The following ZNF385D variants were observed in gnomAD, a reference collection of about 807,000 sequenced individuals.
The protein encoded by ZNF385D is zinc finger protein 385D, also known as zinc finger protein 659.
A neutral mutation model predicts 35.8 loss-of-function variants in ZNF385D; 15 were observed. That is an observed-to-expected ratio of 0.42 (90% CI 0.28 to 0.64). The LOEUF is 0.64. Among genes scored for constraint, ZNF385D ranks in the 30% least tolerant of loss-of-function variants. The pLI is 0.23. For synonymous variants in ZNF385D, 212 were observed against 186.8 expected, an observed-to-expected ratio of 1.13 and a Z score of -1.10; for missense variants, 474 against 494.6, an observed-to-expected ratio of 0.96 and a Z score of 0.39.
intron 3 of ZNF385D, among the ~76,000 whole-genome samples, chr3:21,849,132 T>C (rs1696207703): frequency 6.6e-6 from 1 of 152,102 alleles, no homozygotes; most frequent in African/African-American, 2.4e-5. Flanking sequence ...CACATGCATG[T>C]AACTGTCACA....
intron 2 of ZNF385D, among the ~76,000 whole-genome samples, chr3:22,337,209 T>A (rs1005178881): frequency 6.6e-6 from 1 of 152,098 alleles, no homozygotes; most frequent in Non-Finnish European, 1.5e-5. Flanking sequence ...TAAGAATGGA[T>A]AGCTCCACAT....
intron 3 of ZNF385D, among the ~76,000 whole-genome samples, chr3:21,821,391 T>C (rs1694222058): frequency 1.3e-5 from 2 of 152,206 alleles, no homozygotes; most frequent in Admixed American, 1.3e-4. Flanking sequence ...AAGGCTTTTA[T>C]GATAAATACT....
intron 2 of ZNF385D, among the ~76,000 whole-genome samples, chr3:22,178,296 A>C (rs1397581777): frequency 6.6e-6 from 1 of 152,172 alleles, no homozygotes; most frequent in South Asian, 2.1e-4. Context: ...GTGAGATGGC[A>C]TCTCATTGTG....
chr3:21,826,031 C>T (rs1449531953), intron 3 of ZNF385D, among the ~76,000 whole-genome samples: 2 of 152,276 alleles, frequency 1.3e-5, no homozygotes, highest in African/African-American at 2.4e-5. Context: ...TCCCCTTCTT[C>T]CCCTCAACCC....
chr3:21,887,433 A>G (rs1219639398), intron 3 of ZNF385D, among the ~76,000 whole-genome samples: 1 of 152,194 alleles, frequency 6.6e-6, no homozygotes, highest in Non-Finnish European at 1.5e-5. Flanking sequence ...AACAGCAACA[A>G]CTAAAATCTG....
At chr3:21,948,472 T>C (rs1295678555) in intron 3 of ZNF385D, among the ~76,000 whole-genome samples, 1 of 152,078 alleles carries the variant, frequency 6.6e-6, no homozygotes, top group Non-Finnish European at 1.5e-5. Flanking sequence ...TTACATTTTA[T>C]AGTAAAATAT....
intron 2 of ZNF385D, among the ~76,000 whole-genome samples, chr3:22,287,848 A>G (rs1702105185): frequency 6.6e-6 from 1 of 151,908 alleles, no homozygotes; most frequent in South Asian, 2.1e-4. Flanking sequence ...TTATTTTGTG[A>G]GTTTTATACA....
intron 3 of ZNF385D, among the ~76,000 whole-genome samples, chr3:22,135,559 T>C (rs1480570379): frequency 2.0e-5 from 3 of 152,178 alleles, no homozygotes; most frequent in African/African-American, 4.8e-5. Context: ...TCTTCTTAAA[T>C]TGATCAATGG....
chr3:22,305,632 GC>G (rs1489243335), intron 2 of ZNF385D, among the ~76,000 whole-genome samples: 6 of 152,210 alleles, frequency 3.9e-5, no homozygotes, highest in African/African-American at 1.4e-4. Context: ...AAGAACTTGT[GC>G]CCAGAGATGA....
intron 3 of ZNF385D, among the ~76,000 whole-genome samples, chr3:21,790,290 A>T (rs1231589834): frequency 6.6e-6 from 1 of 152,074 alleles, no homozygotes; most frequent in Non-Finnish European, 1.5e-5. Flanking sequence ...GATACATTAG[A>T]TGCCAATTCT....
In ZNF385D at chr3:21,687,049, C is replaced by G. The variant is rs930231997; in HGVS notation, c.23-22021G>C. ...AGAGCCCAGGCCTCAAGAGACCCTG[C>G]AGCTCCTGCCCTGGCTCTCTGGTAA... is the stretch of plus-strand genomic sequence containing the variant. On this transcript the variant is annotated intron_variant, in intron 1 of 7. Coordinates refer to ENST00000281523, the MANE Select transcript of ZNF385D (RefSeq NM_024697.3). Among the ~76,000 whole-genome samples the G allele has an allele frequency of 3.9e-5, 6 of 152,284 alleles. No individual in the cohort carries two copies. The South Asian group carries it at 1.0e-3, about 26-fold the overall frequency.
intron 3 of ZNF385D, among the ~76,000 whole-genome samples, chr3:21,954,276 G>A (rs1184163590): frequency 7.2e-5 from 11 of 151,882 alleles, no homozygotes; most frequent in Non-Finnish European, 4.4e-5. Flanking sequence ...TACATATTAG[G>A]TGATGTTTGA....
chr3:21,744,305 C>A (rs1027252548), intron 1 of ZNF385D, among the ~76,000 whole-genome samples: 1 of 152,196 alleles, frequency 6.6e-6, no homozygotes, highest in Non-Finnish European at 1.5e-5. Flanking sequence ...TATTAAAGTA[C>A]ATTTACATTC....
At chr3:22,155,111 G>T (rs1416497451) in intron 3 of ZNF385D, among the ~76,000 whole-genome samples, 4 of 152,022 alleles carry the variant, frequency 2.6e-5, no homozygotes, top group Admixed American at 6.6e-5. Flanking sequence ...CTTCTTAATT[G>T]CCCTGATTTG....
intron 3 of ZNF385D, among the ~76,000 whole-genome samples, chr3:22,067,914 G>A (rs1468266195): frequency 6.6e-6 from 1 of 152,002 alleles, no homozygotes; most frequent in Admixed American, 6.6e-5. Context: ...TTGGGAGGCT[G>A]AGGCGGGAGA....
intron 2 of ZNF385D, among the ~76,000 whole-genome samples, chr3:22,286,578 A>G (rs1290282605): frequency 1.3e-5 from 2 of 152,118 alleles, no homozygotes; most frequent in Non-Finnish European, 2.9e-5. Context: ...GACGCATTGC[A>G]TAAGGCGATA....
intron 4 of ZNF385D, among the ~76,000 whole-genome samples, chr3:21,458,487 G>A (rs1177180157): frequency 6.6e-6 from 1 of 151,360 alleles, no homozygotes; most frequent in African/African-American, 2.4e-5. Context: ...GTCTCAAGGA[G>A]AAAGGGAAGG....
chr3:21,984,910 T>C (rs1694720422), intron 3 of ZNF385D, among the ~76,000 whole-genome samples: 1 of 142,676 alleles, frequency 7.0e-6, no homozygotes, highest in Non-Finnish European at 1.6e-5. Flanking sequence ...TCCTAGGTAT[T>C]TTATTGTCTT....
chr3:21,966,219 T>A (rs528649188), intron 3 of ZNF385D, among the ~76,000 whole-genome samples: 1 of 152,314 alleles, frequency 6.6e-6, no homozygotes, highest in South Asian at 2.1e-4. Flanking sequence ...GGTAGAATGA[T>A]GTTACAGGCT....
Sources: gnomAD v4.1 joint callset for allele counts (sites outside exome capture counted in the v4.1 genomes callset) on GRCh38, gnomAD v4.1.1 for gene constraint, MANE v1.5 for transcripts, NCBI Gene and HGNC (gene_info 2026-07-23, HGNC 2026-07-21) for gene names.